Variants in FLT1 observed in about 807,000 individuals in gnomAD.
FLT1 encodes the protein vascular endothelial growth factor receptor 1.
FLT1 carries 49 observed loss-of-function variants against 156.3 expected under a neutral mutation model. The observed-to-expected ratio is 0.31, with a 90% CI of 0.25 to 0.40. The LOEUF (loss-of-function observed/expected upper bound fraction) is 0.40, where lower values mean the gene tolerates loss of function less well. Among genes scored for constraint, FLT1 ranks in the 10% least tolerant of loss-of-function variants. FLT1 has a pLI of 1.00. For missense variants in FLT1, 1,322 were observed against 1,637.2 expected, an observed-to-expected ratio of 0.81 and a Z score of 3.32; for synonymous variants, 594 against 583.8, an observed-to-expected ratio of 1.02 and a Z score of -0.25.
At chr13:28,377,806 T>C (rs1873902929) in intron 14 of FLT1, among the ~76,000 whole-genome samples, 1 of 152,240 alleles carries the variant, frequency 6.6e-6, no homozygotes, top group Non-Finnish European at 1.5e-5. Context: ...AAATGCTTTA[T>C]GTGTTTTTAA....
chr13:28,457,933 C>CTTTTTTTTTTTTTTTTTTTTTTT (rs894090277), intron 3 of FLT1, among the ~76,000 whole-genome samples: 3 of 114,176 alleles, frequency 2.6e-5, no homozygotes, highest in African/African-American at 1.1e-4. Flanking sequence ...CTTTCCTTTT[C>CTTTTTTTTTTTTTTTTTTTTTTT]TTTTTTTTTT....
At chr13:28,370,269 T>C (rs1198971579) in intron 14 of FLT1, among the ~76,000 whole-genome samples, 1 of 152,084 alleles carries the variant, frequency 6.6e-6, no homozygotes, top group East Asian at 1.9e-4. Flanking sequence ...GTCCTTTCAT[T>C]TGGGATAATG....
intron 10 of FLT1, among the ~76,000 whole-genome samples, chr13:28,422,492 C>CTGCAGGCAT (rs1877071127): frequency 6.6e-6 from 1 of 152,168 alleles, no homozygotes. Flanking sequence ...TAATCAAAGG[C>CTGCAGGCAT]TGCAGGCATT....
At chr13:28,396,860 A>T in intron 12 of FLT1, 100 bp downstream of exon 12, 2 of 729,704 alleles carry the variant, frequency 2.7e-6, no homozygotes, top group Admixed American at 2.0e-5. Context: ...CTATGGAATT[A>T]AAAAAAAATC....
chr13:28,488,020 G>C (rs1881260929), intron 1 of FLT1, among the ~76,000 whole-genome samples: 1 of 151,544 alleles, frequency 6.6e-6, no homozygotes, highest in African/African-American at 2.4e-5. Context: ...GACCAACGTG[G>C]GAGCCAGAAG....
At chr13:28,312,191 G>T (rs1184517838) in intron 25 of FLT1, 93 bp from the exon 26 acceptor site, 2 of 825,790 alleles carry the variant, frequency 2.4e-6, no homozygotes, top group Non-Finnish European at 4.2e-6. Flanking sequence ...GTCATCATCC[G>T]CATAAAGCCC....
At chr13:28,418,607 A>C (rs570296734) in intron 10 of FLT1, among the ~76,000 whole-genome samples, 1 of 152,072 alleles carries the variant, frequency 6.6e-6, no homozygotes, top group Admixed American at 6.5e-5. Context: ...ACAGGGTCTC[A>C]CTCTGTCTCC....
chr13:28,407,921 A>G, intron 10 of FLT1, among the ~76,000 whole-genome samples: 1 of 152,216 alleles, frequency 6.6e-6, no homozygotes, highest in Non-Finnish European at 1.5e-5. Context: ...TTTCTAGACT[A>G]TAACATCCCC....
At chr13:28,482,255 A>C (rs1880898381) in intron 1 of FLT1, among the ~76,000 whole-genome samples, 1 of 152,172 alleles carries the variant, frequency 6.6e-6, no homozygotes, top group Admixed American at 6.5e-5. Flanking sequence ...CCTGACCAAC[A>C]TGAAGAAATC....
At chr13:28,418,829 C>G (rs577443425) in intron 10 of FLT1, among the ~76,000 whole-genome samples, 20 of 152,144 alleles carry the variant, frequency 1.3e-4, no homozygotes, top group Non-Finnish European at 2.1e-4. Context: ...TCACCTCAGC[C>G]TCCCAAGTGC....
intron 3 of FLT1, among the ~76,000 whole-genome samples, chr13:28,451,771 G>C (rs950586962): frequency 2.0e-4 from 30 of 152,216 alleles, no homozygotes; most frequent in Admixed American, 1.5e-3. Flanking sequence ...ATGTGGGACA[G>C]GCACTTTCCT....
At chr13:28,438,973 T>C (rs1338868529) in intron 3 of FLT1, among the ~76,000 whole-genome samples, 2 of 152,212 alleles carry the variant, frequency 1.3e-5, no homozygotes, top group African/African-American at 4.8e-5. Flanking sequence ...CATATGTATA[T>C]TAGGCTTATT....
chr13:28,407,304 C>A (rs1326006922), intron 10 of FLT1, among the ~76,000 whole-genome samples: 2 of 151,974 alleles, frequency 1.3e-5, no homozygotes, highest in African/African-American at 2.4e-5. Context: ...TGTGATACAC[C>A]CCCATATACC....
chr13:28,458,220 C>T (rs1023373461), intron 3 of FLT1, among the ~76,000 whole-genome samples: 20 of 152,134 alleles, frequency 1.3e-4, no homozygotes, highest in African/African-American at 4.3e-4. Flanking sequence ...CCACCACACC[C>T]GGCCCATCTT....
chr13:28,405,669 G>T, intron 11 of FLT1, 111 bp downstream of exon 11: 1 of 732,504 alleles, frequency 1.4e-6, no homozygotes, highest in Non-Finnish European at 2.5e-6. Context: ...TCTTCTCTCT[G>T]AATTTTTGTT....
At chr13:28,389,269 A>C in intron 13 of FLT1, 2 of 1,161,338 alleles carry the variant, frequency 1.7e-6, no homozygotes, top group Non-Finnish European at 2.1e-6. Context: ...ACAGAGTCTC[A>C]AATTCAACTG....
In FLT1 at chr13:28,372,566, G is replaced by GTATACATATATATA. The variant is rs1555232433; in HGVS notation, c.2116+12318_2116+12319insTATATATATGTATA. The stretch of plus-strand genomic sequence containing the variant: ...CATATATTCCTCGTTTAAATAAAAT[G>GTATACATATATATA]TATATATATATATATATATATATAT... On this transcript the variant is annotated intron_variant, in intron 14 of 29. Coordinates refer to ENST00000282397, the MANE Select transcript of FLT1 (RefSeq NM_002019.4). Among the ~76,000 whole-genome samples the GTATACATATATATA allele has an allele frequency of 2.2e-4, 20 of 91,456 alleles. No individual in the cohort carries two copies. The South Asian group carries it at 4.0e-3, about 18-fold the overall frequency. 60.0% of individuals were successfully genotyped at this position (91,456 alleles called of 152,430 possible).
chr13:28,385,051 A>C lies in FLT1; in HGVS notation c.1970-20T>G. 6.2e-7 allele frequency: 1 copy of C among 1,613,608 alleles called. No individual in the cohort carries two copies. Among genetic ancestry groups the C allele is most frequent in the Non-Finnish European group, 8.5e-7 (1 of 1,179,648 alleles). On this transcript the variant is annotated intron_variant, in intron 13 of 29. Coordinates refer to ENST00000282397, the MANE Select transcript of FLT1 (RefSeq NM_002019.4). Reference sequence around the variant, plus strand: ...CCTGATCTAGTGAAGAAAGAAAGGGAGCTGTGATTACTCGTCAACTTTATT... The same window carrying C: ...CCTGATCTAGTGAAGAAAGAAAGGGCGCTGTGATTACTCGTCAACTTTATT...
chr13:28,492,373 C>CA (rs773927085), intron 1 of FLT1, among the ~76,000 whole-genome samples: 1 of 152,292 alleles, frequency 6.6e-6, no homozygotes, highest in East Asian at 1.9e-4. Context: ...AAATGAGACT[C>CA]AGAGCTGGAG....
Sources: gnomAD v4.1 joint callset for allele counts (sites outside exome capture counted in the v4.1 genomes callset) on GRCh38, gnomAD v4.1.1 for gene constraint, MANE v1.5 for transcripts, NCBI Gene and HGNC (gene_info 2026-07-23, HGNC 2026-07-21) for gene names.